The following GCG variants were observed in gnomAD, a reference collection of about 807,000 sequenced individuals.
GCG encodes glucagon.
A neutral mutation model predicts 22.8 loss-of-function variants in GCG; 11 were observed. That is an observed-to-expected ratio of 0.48 (90% CI 0.30 to 0.80). The LOEUF (loss-of-function observed/expected upper bound fraction) is 0.80. Ranked by LOEUF, GCG falls within the 30% of genes least tolerant of loss-of-function variation. The pLI is 0.06. For missense variants in GCG, 222 were observed against 222.0 expected (o/e 1.00, Z 0.00); for synonymous variants, 89 against 72.4 (o/e 1.23, Z -1.16).
intron 4 of GCG, 148 bp downstream of exon 4, chr2:162,145,392 T>C (rs1009884007): frequency 7.2e-6 from 5 of 694,354 alleles, no homozygotes; most frequent in Non-Finnish European, 9.0e-6. Flanking sequence ...GTTTAACTTT[T>C]ATATACTGTT....
chr2:162,143,385 AAG>A lies in GCG; in HGVS notation c.537-17_537-16del, dbSNP rs777387928. On this transcript the variant is annotated splice_polypyrimidine_tract_variant and intron_variant, in intron 5 of 5. Coordinates refer to ENST00000418842, the MANE Select transcript of GCG (RefSeq NM_002054.5). ...ATAGTTATTTCCTAGAGATTAAAAA[AAG>A]AAAATGATTTAACATAATTATAATA... 8.1e-6 allele frequency: 8 copies of A among 985,586 alleles called. No individual in the cohort carries two copies. In the South Asian group the frequency reaches 1.1e-4, roughly 14 times the overall value. 61.1% of individuals were successfully genotyped at this position (985,586 alleles called of 1,614,324 possible).
At position 162,144,154 on chromosome 2, in the gene GCG, C is replaced by T. The variant is rs149306780; in HGVS notation, c.409G>A (p.Ala137Thr). 1.7e-4 allele frequency: 267 copies of T among 1,611,168 alleles called. 2 individuals carry two copies. The highest frequency in any genetic ancestry group is 1.5e-3 in the African/African-American group (113 of 74,966). The change falls in exon 5 of 6, where the codon GCC (alanine) becomes ACC (threonine). Residue 137 changes from alanine (A) to threonine (T), a missense_variant. Ala to Thr is a moderately conservative substitution (Grantham distance 58). Transcript: ENST00000418842. The stretch of plus-strand genomic sequence containing the variant: ...CTGCGGCCAAGTTCTTCAACAATGG[C>T]GACCTCTTCTGGGAAACTAAGAAAA... The part of the protein sequence containing the change: ...RGRRDFPEEV[A>T]IVEELGRRHA...
chr2:162,145,484 G>C, intron 4 of GCG, 56 bp downstream of exon 4: 1 of 1,441,472 alleles, frequency 6.9e-7, no homozygotes, highest in Non-Finnish European at 9.5e-7. Flanking sequence ...GATAACTGTA[G>C]TCTTAAATTT....
chr2:162,150,965 G>A (rs1469536897), intron 1 of GCG, among the ~76,000 whole-genome samples: 9 of 151,560 alleles, frequency 5.9e-5, no homozygotes, highest in Admixed American at 5.9e-4. Context: ...AGAAAGAACT[G>A]GCTTTAAAAA....
rs760071818 is a variant in GCG, at chr2:162,143,320, G to C, written c.*44C>G. The C allele has an allele frequency of 6.9e-6, 8 of 1,159,344 alleles. No homozygotes were observed. Among genetic ancestry groups the C allele is most frequent in the Non-Finnish European group, 9.7e-6 (8 of 823,218 alleles). The allele number at this position is 1,159,344 out of a possible 1,614,324, so 71.8% of individuals were successfully genotyped here. Reference sequence around the variant, plus strand: ...CTTAACATTTCAAACATCCCACGTGGCTAGCAGGTGATGTTGTGAAGATGA... The same window carrying C: ...CTTAACATTTCAAACATCCCACGTGCCTAGCAGGTGATGTTGTGAAGATGA... On this transcript the variant is annotated 3_prime_UTR_variant, in exon 6 of 6. Transcript: ENST00000418842.
In GCG at chr2:162,144,009, T is replaced by A. The variant is rs919864231; in HGVS notation, c.536+18A>T. 1 of 1,608,568 alleles carries A rather than the reference T, an allele frequency of 6.2e-7. No homozygotes were observed. The highest frequency in any genetic ancestry group is 1.3e-5 in the African/African-American group (1 of 74,780). ...ATGAGAATTTGATGGTTTTCAGAAT[T>A]AACTAAAAAGCAGTCACCTGTCAGT... On this transcript the variant is annotated intron_variant, in intron 5 of 5. Transcript: ENST00000418842.
intron 1 of GCG, among the ~76,000 whole-genome samples, chr2:162,151,182 C>T (rs1467510053): frequency 6.6e-6 from 1 of 151,924 alleles, no homozygotes; most frequent in African/African-American, 2.4e-5. Context: ...TACAAATTTC[C>T]ACTAAAATTT....
At position 162,143,113 on chromosome 2, in the gene GCG, A is replaced by G. The variant is rs915015992; in HGVS notation, c.*251T>C. 8.4e-6 allele frequency: 3 copies of G among 358,078 alleles called. No individual in the cohort carries two copies. Among genetic ancestry groups the G allele is most frequent in the Non-Finnish European group, 1.0e-5 (2 of 194,450 alleles). 22.2% of individuals were successfully genotyped at this position (358,078 alleles called of 1,614,324 possible). A position where few individuals can be genotyped will look rare whatever the true frequency, so the allele number is the denominator to read the frequency against. On this transcript the variant is annotated 3_prime_UTR_variant, in exon 6 of 6. Transcript: ENST00000418842. The stretch of plus-strand genomic sequence containing the variant: ...AAATGTAAACAGGTTGGGGTACTTC[A>G]TCCAAAATAAGAAGAAAATAACAGA...
Position 162,145,662 on chromosome 2 carries a change from T to G in GCG, c.270A>C (p.Lys90Asn), listed in dbSNP as rs745467407. Reference sequence around the variant, plus strand: ...CATGTCTCTCAAATTCATCGTGACGTTTGGCAATGTTATTCCTGAAAGAAA... The same window carrying G: ...CATGTCTCTCAAATTCATCGTGACGGTTGGCAATGTTATTCCTGAAAGAAA... ...NTKRNRNNIA[K>N]RHDEFERHAE... Residue 90 changes from lysine (K) to asparagine (N), a missense_variant, in exon 4 of 6, where the codon AAA (lysine) becomes AAC (asparagine). Transcript: ENST00000418842. The G allele has an allele frequency of 6.2e-7, 1 of 1,609,972 alleles. No homozygotes were observed. Among genetic ancestry groups the G allele is most frequent in the Non-Finnish European group, 8.5e-7 (1 of 1,178,174 alleles).
At chr2:162,145,043 C>T (rs1192915693) in intron 4 of GCG, 1 of 151,982 alleles carries the variant, frequency 6.6e-6, no homozygotes, top group Non-Finnish European at 1.5e-5. Flanking sequence ...GGTTTGGTCA[C>T]TTTCAGTCTT....
rs11552330 is a variant in GCG, at chr2:162,147,451, G to C, written c.156C>G (p.Arg52=). 7 of 1,613,198 alleles carry C rather than the reference G, an allele frequency of 4.3e-6. No homozygotes were observed. In the South Asian group the frequency reaches 6.6e-5, roughly 15 times the overall value. The change falls in exon 3 of 6, where the codon CGC becomes CGG. Residue 52 remains arginine, a synonymous_variant. Coordinates refer to ENST00000418842, the MANE Select transcript of GCG (RefSeq NM_002054.5). ...CACTGGTGAATGTGCCCTGTGAATG[G>C]CGCTTGTCCTCGTTCATCTGATCAG... ...SDPDQMNEDK[R]HSQGTFTSDY...
intron 2 of GCG, 105 bp downstream of exon 2, chr2:162,148,982 A>C (rs1686765007): frequency 7.1e-6 from 5 of 700,996 alleles, no homozygotes; most frequent in African/African-American, 1.8e-5. Flanking sequence ...ATCATTGTGC[A>C]GAATATTTAT....
intron 2 of GCG, 131 bp from the exon 3 acceptor site, chr2:162,147,645 G>T: frequency 1.2e-6 from 1 of 823,854 alleles, no homozygotes; most frequent in Non-Finnish European, 2.1e-6. Context: ...TCAATAGGTA[G>T]TTTAGAAAGA....
intron 2 of GCG, 171 bp from the exon 3 acceptor site, chr2:162,147,685 C>T: frequency 2.7e-6 from 2 of 744,404 alleles, no homozygotes; most frequent in Non-Finnish European, 2.4e-6. Context: ...AGAATCCCTT[C>T]GTTTTAGTAT....
At position 162,147,515 on chromosome 2, in the gene GCG, C is replaced by G; in HGVS notation, c.93-1G>C. 1 of 1,612,710 alleles carries G rather than the reference C, an allele frequency of 6.2e-7. No individual in the cohort carries two copies. Among genetic ancestry groups the G allele is most frequent in the South Asian group, 1.1e-5 (1 of 91,058 alleles). On this transcript the variant is annotated splice_acceptor_variant, in intron 2 of 5. Transcript: ENST00000418842. LOFTEE classifies it high-confidence loss of function. ...GTCTGCCTGGGAAGCTGAGAATGAT[C>G]TGTGAAGAACAGTGATTGGTACAAC... is the stretch of plus-strand genomic sequence containing the variant.
intron 2 of GCG, 124 bp from the exon 3 acceptor site, chr2:162,147,638 A>T (rs759093589): frequency 2.1e-5 from 18 of 855,314 alleles, no homozygotes; most frequent in Non-Finnish European, 3.0e-5. Flanking sequence ...GAGTATTTCA[A>T]TAGGTAGTTT....
chr2:162,151,565 C>G (rs1012289461), intron 1 of GCG, among the ~76,000 whole-genome samples: 2 of 152,062 alleles, frequency 1.3e-5, no homozygotes, highest in Non-Finnish European at 2.9e-5. Context: ...AGAAAACCCC[C>G]CAAATAGATG....
intron 3 of GCG, among the ~76,000 whole-genome samples, chr2:162,147,016 T>G (rs1686704908): frequency 6.6e-6 from 1 of 152,164 alleles, no homozygotes; most frequent in Non-Finnish European, 1.5e-5. Context: ...CTCTATCTTT[T>G]GGTAGAAATT....
intron 3 of GCG, among the ~76,000 whole-genome samples, chr2:162,146,626 TC>T (rs1686693709): frequency 6.6e-6 from 1 of 151,568 alleles, no homozygotes; most frequent in Admixed American, 6.6e-5. Context: ...CAAATCTATG[TC>T]CTTTTCCTGA....
Sources: gnomAD v4.1 joint callset for allele counts (sites outside exome capture counted in the v4.1 genomes callset) on GRCh38, gnomAD v4.1.1 for gene constraint, MANE v1.5 for transcripts, NCBI Gene and HGNC (gene_info 2026-07-23, HGNC 2026-07-21) for gene names.